TYW1B: variants seen among roughly 807,000 people sequenced by gnomAD.
The protein encoded by TYW1B is S-adenosyl-L-methionine-dependent tRNA 4-demethylwyosine synthase TYW1B.
A neutral mutation model predicts 86.9 loss-of-function variants in TYW1B; 73 were observed. That is an observed-to-expected ratio of 0.84 (90% CI 0.70 to 1.02). TYW1B has a LOEUF of 1.02. Ranked by LOEUF, TYW1B falls within the 50% of genes least tolerant of loss-of-function variation. TYW1B has a pLI of 0.00. For missense variants in TYW1B, 637 were observed against 827.4 expected (o/e 0.77, Z 2.82); for synonymous variants, 248 against 292.8 (o/e 0.85, Z 1.56).
intron 13 of TYW1B, among the ~76,000 whole-genome samples, chr7:72,605,398 G>A (rs559866545): frequency 3.5e-4 from 52 of 148,342 alleles, no homozygotes; most frequent in Middle Eastern, 3.5e-3. Flanking sequence ...CTGTTGCCCC[G>A]GCTAGAGTGC....
At chr7:72,665,474 T>A (rs148024086) in intron 11 of TYW1B, among the ~76,000 whole-genome samples, 63 of 152,334 alleles carry the variant, frequency 4.1e-4, no homozygotes, top group African/African-American at 1.4e-3. Context: ...CATCTGGGGA[T>A]GTTATATGCA....
intron 11 of TYW1B, among the ~76,000 whole-genome samples, chr7:72,689,458 A>G (rs1814087851): frequency 6.6e-6 from 1 of 152,154 alleles, no homozygotes. Flanking sequence ...GGAGTAGCTG[A>G]GACTTTGTCC....
intron 7 of TYW1B, among the ~76,000 whole-genome samples, chr7:72,751,510 T>C (rs533791025): frequency 6.7e-6 from 1 of 148,642 alleles, no homozygotes; most frequent in African/African-American, 2.6e-5. Flanking sequence ...GTTTCTTTTA[T>C]AACTTGTCTT....
intron 13 of TYW1B, among the ~76,000 whole-genome samples, chr7:72,608,342 T>C (rs1788458729): frequency 6.6e-6 from 1 of 152,234 alleles, no homozygotes; most frequent in African/African-American, 2.4e-5. Flanking sequence ...AATTGTAATA[T>C]GATGCCATGT....
At chr7:72,581,986 C>G (rs1411724204) in intron 13 of TYW1B, among the ~76,000 whole-genome samples, 1 of 151,992 alleles carries the variant, frequency 6.6e-6, no homozygotes, top group Non-Finnish European at 1.5e-5. Context: ...CCAGGCTGGT[C>G]TTGAACTCCT....
Position 72,575,440 on chromosome 7 carries a change from A to G in TYW1B, c.*58T>C. 1.3e-6 allele frequency: 2 copies of G among 1,579,350 alleles called. No individual in the cohort carries two copies. Among genetic ancestry groups the G allele is most frequent in the East Asian group, 4.5e-5 (2 of 44,084 alleles). On this transcript the variant is annotated 3_prime_UTR_variant, in exon 14 of 14. Coordinates refer to ENST00000620995, the MANE Select transcript of TYW1B (RefSeq NM_001145440.3). ...TCCTTGGAGAATCAGAGTGGTGTTCAAGAACCTTTTGAGGCCATCCAAGTT... is the reference window on the plus strand; with the variant it reads ...TCCTTGGAGAATCAGAGTGGTGTTCGAGAACCTTTTGAGGCCATCCAAGTT...
intron 10 of TYW1B, among the ~76,000 whole-genome samples, chr7:72,704,587 GA>G (rs56377185): frequency 1.0e-3 from 133 of 127,092 alleles, no homozygotes; most frequent in South Asian, 1.5e-3. Flanking sequence ...TGTCTCTGAA[GA>G]AAAAAAAAAA....
At chr7:72,681,289 T>C (rs1347473093) in intron 11 of TYW1B, among the ~76,000 whole-genome samples, 7 of 152,246 alleles carry the variant, frequency 4.6e-5, no homozygotes, top group African/African-American at 1.7e-4. Flanking sequence ...AGTCACCGTG[T>C]TAAGGGCTTT....
At chr7:72,669,609 A>T (rs1813546364) in intron 11 of TYW1B, among the ~76,000 whole-genome samples, 1 of 152,008 alleles carries the variant, frequency 6.6e-6, no homozygotes. Flanking sequence ...CTTAAAAAAA[A>T]AAATCAGCCA....
At chr7:72,635,972 A>G (rs1418418406) in intron 11 of TYW1B, among the ~76,000 whole-genome samples, 7 of 152,230 alleles carry the variant, frequency 4.6e-5, no homozygotes, top group African/African-American at 1.4e-4. Context: ...CAGGGTAGCC[A>G]TGTTTCAAGT....
chr7:72,783,254 C>T (rs1386654240), intron 6 of TYW1B, among the ~76,000 whole-genome samples: 2 of 151,646 alleles, frequency 1.3e-5, no homozygotes, highest in Non-Finnish European at 2.9e-5. Flanking sequence ...AAAAATTAGC[C>T]GGGCGTGGTG....
intron 12 of TYW1B, among the ~76,000 whole-genome samples, chr7:72,622,626 CACAA>C (rs1271814552): frequency 2.6e-4 from 39 of 152,122 alleles, no homozygotes; most frequent in African/African-American, 3.4e-4. Context: ...CACACACAAA[CACAA>C]ACACACACAC....
chr7:72,714,786 G>T (rs559562342), intron 9 of TYW1B, among the ~76,000 whole-genome samples: 1 of 152,124 alleles, frequency 6.6e-6, no homozygotes, highest in East Asian at 1.9e-4. Flanking sequence ...GCGTAGTGGC[G>T]GATGCCAGTA....
At chr7:72,783,764 A>G (rs1366702052) in intron 6 of TYW1B, among the ~76,000 whole-genome samples, 1 of 152,242 alleles carries the variant, frequency 6.6e-6, no homozygotes, top group Non-Finnish European at 1.5e-5. Flanking sequence ...CTACCTTAAG[A>G]AGACAACATG....
intron 12 of TYW1B, among the ~76,000 whole-genome samples, chr7:72,628,351 G>T (rs1332648604): frequency 6.6e-6 from 1 of 152,128 alleles, no homozygotes; most frequent in Non-Finnish European, 1.5e-5. Context: ...AGGAATATAT[G>T]CTGAAATAAT....
intron 2 of TYW1B, among the ~76,000 whole-genome samples, chr7:72,820,057 C>G (rs1400320638): frequency 2.6e-5 from 4 of 152,028 alleles, no homozygotes; most frequent in Non-Finnish European, 5.9e-5. Flanking sequence ...GGTGGATTAC[C>G]TGAGGTCAGG....
In TYW1B at chr7:72,632,295, A is replaced by AATATATATATAT. The variant is rs1563038347; in HGVS notation, c.1507-3299_1507-3298insATATATATATAT. Among the ~76,000 whole-genome samples, 187 of 90,806 alleles carry AATATATATATAT rather than the reference A, an allele frequency of 2.1e-3. 10 individuals are homozygous for AATATATATATAT. The highest frequency in any genetic ancestry group is 9.8e-3 in the African/African-American group (173 of 17,732). 59.6% of individuals were successfully genotyped at this position (90,806 alleles called of 152,430 possible). A position where few individuals can be genotyped will look rare whatever the true frequency, so the allele number is the denominator to read the frequency against. On this transcript the variant is annotated intron_variant, in intron 11 of 13. Coordinates refer to ENST00000620995, the MANE Select transcript of TYW1B (RefSeq NM_001145440.3). ...TATATATATATACGTGTATATATAT[A>AATATATATATAT]TATACGTGTATATATATTATATATA...
At chr7:72,632,385 T>TTATATATATAC (rs1563038672) in intron 11 of TYW1B, among the ~76,000 whole-genome samples, 2 of 114,804 alleles carry the variant, frequency 1.7e-5, no homozygotes, top group African/African-American at 8.1e-5. Context: ...ATTATATATA[T>TTATATATATAC]ACGTATATAT....
intron 7 of TYW1B, among the ~76,000 whole-genome samples, chr7:72,757,832 T>C (rs2129571639): frequency 6.6e-6 from 1 of 152,322 alleles, no homozygotes; most frequent in East Asian, 1.9e-4. Context: ...GCCCAGCAAC[T>C]GCCTGTCCAA....
Sources: allele counts gnomAD v4.1 joint callset (sites outside exome capture counted in the v4.1 genomes callset), GRCh38; gene constraint gnomAD v4.1.1; transcripts MANE v1.5; gene names NCBI Gene and HGNC (gene_info 2026-07-23, HGNC 2026-07-21).